Variants in PAK2 observed in about 807,000 individuals in gnomAD.
PAK2 encodes the protein serine/threonine-protein kinase PAK 2.
In PAK2, 21 loss-of-function variants were observed where a neutral mutation model predicts 65.9. The observed-to-expected ratio is 0.32, with a 90% CI of 0.23 to 0.46. The LOEUF is 0.46. Ranked by LOEUF, PAK2 falls within the 20% of genes least tolerant of loss-of-function variation. The probability of loss-of-function intolerance (pLI) is 1.00; values close to 1 mark genes in which losing one functional copy is unlikely to be tolerated. For missense variants in PAK2, 324 were observed against 642.6 expected, an observed-to-expected ratio of 0.50 and a Z score of 5.36; for synonymous variants, 204 against 219.7, an observed-to-expected ratio of 0.93 and a Z score of 0.63.
At chr3:196,748,837 G>T (rs1422420874) in intron 1 of PAK2, among the ~76,000 whole-genome samples, 1 of 152,116 alleles carries the variant, frequency 6.6e-6, no homozygotes, top group East Asian at 1.9e-4. Context: ...GAAGTATACA[G>T]TTCAGTGGTA....
intron 1 of PAK2, among the ~76,000 whole-genome samples, chr3:196,759,776 C>G (rs989505550): frequency 6.6e-6 from 1 of 152,076 alleles, no homozygotes; most frequent in African/African-American, 2.4e-5. Context: ...CTGCCCGCCT[C>G]AGCCTCCCAA....
chr3:196,796,593 G>A (rs1165842812), intron 2 of PAK2, among the ~76,000 whole-genome samples: 1 of 152,172 alleles, frequency 6.6e-6, no homozygotes, highest in Non-Finnish European at 1.5e-5. Flanking sequence ...TATATGAAGA[G>A]TTCTAGCTTA....
At chr3:196,801,018 T>C (rs1172444367) in intron 2 of PAK2, among the ~76,000 whole-genome samples, 2 of 152,066 alleles carry the variant, frequency 1.3e-5, no homozygotes. Context: ...GAGAACATTA[T>C]TGATAGGTGT....
At chr3:196,803,956 A>G (rs1345972732) in intron 4 of PAK2, among the ~76,000 whole-genome samples, 1 of 152,204 alleles carries the variant, frequency 6.6e-6, no homozygotes, top group African/African-American at 2.4e-5. Context: ...TGGTTGATAC[A>G]TCTCTTGAAT....
At chr3:196,748,952 C>T (rs1481734655) in intron 1 of PAK2, among the ~76,000 whole-genome samples, 1 of 152,142 alleles carries the variant, frequency 6.6e-6, no homozygotes, top group Non-Finnish European at 1.5e-5. Context: ...TCCTCATTCT[C>T]CTTTCTGTCT....
chr3:196,749,758 T>G (rs1177224523), intron 1 of PAK2, among the ~76,000 whole-genome samples: 2 of 152,178 alleles, frequency 1.3e-5, no homozygotes, highest in Non-Finnish European at 2.9e-5. Flanking sequence ...TCACATCTTT[T>G]CCAGCATGTC....
chr3:196,783,612 T>C (rs180996410), intron 2 of PAK2, among the ~76,000 whole-genome samples: 17 of 151,344 alleles, frequency 1.1e-4, no homozygotes, highest in African/African-American at 4.1e-4. Context: ...CGTATATATA[T>C]GTGTATATAA....
chr3:196,789,557 G>T (rs1272236645), intron 2 of PAK2, among the ~76,000 whole-genome samples: 1 of 151,996 alleles, frequency 6.6e-6, no homozygotes, highest in African/African-American at 2.4e-5. Context: ...CCGCCTCCTG[G>T]GTACAAGCAA....
chr3:196,823,723 A>T lies in PAK2; in HGVS notation c.1350+3156A>T, dbSNP rs886790754. ...CTAAAAATACAAAAATGAGCCAGGCATGGTGGCGTGCACCTGTATTCCCAG... is the reference window on the plus strand; with the variant it reads ...CTAAAAATACAAAAATGAGCCAGGCTTGGTGGCGTGCACCTGTATTCCCAG... On this transcript the variant is annotated intron_variant, in intron 13 of 14. Coordinates refer to ENST00000327134, the MANE Select transcript of PAK2 (RefSeq NM_002577.4). Among the ~76,000 whole-genome samples the T allele has an allele frequency of 5.3e-5, 8 of 150,912 alleles. No homozygotes were observed. In the Admixed American group the frequency reaches 5.3e-4, roughly 10 times the overall value.
rs1224987421 is a variant in PAK2, at chr3:196,825,507, T to G, written c.1351-1689T>G. On this transcript the variant is annotated intron_variant, in intron 13 of 14. Coordinates refer to ENST00000327134, the MANE Select transcript of PAK2 (RefSeq NM_002577.4). ...AAATACAAAAAATTAGCCGGGCATT[T>G]TGGCGGGCGCCTATAATCCCAGCTA... Among the ~76,000 whole-genome samples the G allele has an allele frequency of 2.8e-4, 41 of 149,030 alleles. 1 individual carries two copies. The highest frequency in any genetic ancestry group is 3.5e-3 in the Middle Eastern group (1 of 286).
At chr3:196,792,674 C>G (rs1718417) in intron 2 of PAK2, among the ~76,000 whole-genome samples, 15,769 of 152,184 alleles carry the variant, frequency 0.1, 943 homozygotes, top group South Asian at 0.15. Flanking sequence ...TATGTATAGA[C>G]TTATCAAACA....
rs76943307 is a variant in PAK2 at position 196,749,454 on chromosome 3, A to G, written c.-22+9297A>G. 8.5e-3 allele frequency among the ~76,000 whole-genome samples: 1,297 copies of G among 152,232 alleles called. 13 individuals carry two copies. The highest frequency in any genetic ancestry group is 0.029 in the African/African-American group (1,187 of 41,540). ...GCCATCCTAATGGGTATTAGGTGGT[A>G]TCATGTTAGTTTTGATTTGCATTTC... On this transcript the variant is annotated intron_variant, in intron 1 of 14. Transcript: ENST00000327134.
intron 1 of PAK2, among the ~76,000 whole-genome samples, chr3:196,776,312 G>A (rs1714532302): frequency 6.6e-6 from 1 of 152,134 alleles, no homozygotes; most frequent in South Asian, 2.1e-4. Flanking sequence ...ATAGCAAAAT[G>A]GGAAGTACTC....
At chr3:196,807,005 T>C (rs183196244) in intron 6 of PAK2, among the ~76,000 whole-genome samples, 1 of 152,292 alleles carries the variant, frequency 6.6e-6, no homozygotes, top group East Asian at 1.9e-4. Flanking sequence ...GACGACTAAA[T>C]CTAAAACTTA....
In PAK2 at chr3:196,824,895, A is replaced by G. The variant is rs188396690; in HGVS notation, c.1351-2301A>G. ...AAACTGAGGGCTTTAATTTAATAGA[A>G]GTGTATCAATATTGGTTCATTTGTA... On this transcript the variant is annotated intron_variant, in intron 13 of 14. Coordinates refer to ENST00000327134, the MANE Select transcript of PAK2 (RefSeq NM_002577.4). 5.3e-5 allele frequency among the ~76,000 whole-genome samples: 8 copies of G among 152,208 alleles called. No individual in the cohort carries two copies. In the East Asian group the frequency reaches 1.5e-3, roughly 29 times the overall value.
chr3:196,825,454 C>T (rs9860441), intron 13 of PAK2, among the ~76,000 whole-genome samples: 178 of 151,598 alleles, frequency 1.2e-3, no homozygotes, highest in Admixed American at 2.4e-3. Context: ...CCAGCCTGGC[C>T]AACACAGTGA....
At chr3:196,801,024 G>GTT (rs1715409338) in intron 2 of PAK2, among the ~76,000 whole-genome samples, 1 of 152,028 alleles carries the variant, frequency 6.6e-6, no homozygotes, top group Non-Finnish European at 1.5e-5. Flanking sequence ...ATTATTGATA[G>GTT]GTGTGTGGCA....
intron 1 of PAK2, among the ~76,000 whole-genome samples, chr3:196,781,783 C>T (rs1201007064): frequency 6.6e-6 from 1 of 152,246 alleles, no homozygotes; most frequent in African/African-American, 2.4e-5. Context: ...GCCTGGGCAA[C>T]GTAGTGAAAC....
intron 2 of PAK2, among the ~76,000 whole-genome samples, chr3:196,787,758 G>A (rs1048163600): frequency 2.0e-5 from 3 of 152,128 alleles, no homozygotes; most frequent in African/African-American, 7.2e-5. Context: ...AATGTTTGGA[G>A]GGTAGGATGC....
Sources: gnomAD v4.1 joint callset for allele counts (sites outside exome capture counted in the v4.1 genomes callset) on GRCh38, gnomAD v4.1.1 for gene constraint, MANE v1.5 for transcripts, NCBI Gene and HGNC (gene_info 2026-07-23, HGNC 2026-07-21) for gene names.